NFIB: variants seen among roughly 807,000 people sequenced by gnomAD.
NFIB encodes the protein nuclear factor 1 B-type.
NFIB carries 11 observed loss-of-function variants against 61.5 expected under a neutral mutation model. That is an observed-to-expected ratio of 0.18 (90% confidence interval 0.11 to 0.30). The LOEUF (loss-of-function observed/expected upper bound fraction) is 0.30. Among genes scored for constraint, NFIB ranks in the 10% least tolerant of loss-of-function variants. NFIB has a pLI of 1.00. For synonymous variants in NFIB, 260 were observed against 216.5 expected (o/e 1.20, Z -1.76); for missense variants, 471 against 608.9 (o/e 0.77, Z 2.38).
At chr9:14,172,298 A>C (rs1238398457) in intron 3 of NFIB, among the ~76,000 whole-genome samples, 1 of 152,224 alleles carries the variant, frequency 6.6e-6, no homozygotes, top group African/African-American at 2.4e-5. Flanking sequence ...TGTATGTTTT[A>C]AAATAAGAAA....
At chr9:14,477,025 C>A in the NFIB span, among the ~76,000 whole-genome samples, 1 of 152,150 alleles carries the variant, frequency 6.6e-6, no homozygotes, top group Non-Finnish European at 1.5e-5. Context: ...TATATGATTT[C>A]TTTGCTTCTA....
chr9:14,289,378 T>A (rs1431950764), intron 2 of NFIB, among the ~76,000 whole-genome samples: 1 of 151,556 alleles, frequency 6.6e-6, no homozygotes, highest in Non-Finnish European at 1.5e-5. Flanking sequence ...TAACACCTGA[T>A]CACTGTCATC....
chr9:14,299,373 T>A (rs7026838), intron 2 of NFIB, among the ~76,000 whole-genome samples: 17,857 of 152,228 alleles, frequency 0.12, 3,239 homozygotes, highest in African/African-American at 0.39. Flanking sequence ...TTTTATGTAG[T>A]TTTATGAGAG....
intron 1 of NFIB, chr9:14,361,661 C>G (rs1266922484): frequency 1.3e-5 from 2 of 152,148 alleles, no homozygotes; most frequent in Non-Finnish European, 1.5e-5. Flanking sequence ...ACAACAGTAG[C>G]CACTAAAATC....
chr9:14,427,511 A>C, the NFIB span, among the ~76,000 whole-genome samples: 2 of 152,126 alleles, frequency 1.3e-5, no homozygotes, highest in African/African-American at 4.8e-5. Flanking sequence ...GGAATCAGTC[A>C]CCAGAGTTCA....
chr9:14,278,108 C>A (rs1258735501), intron 2 of NFIB, among the ~76,000 whole-genome samples: 1 of 152,166 alleles, frequency 6.6e-6, no homozygotes, highest in Non-Finnish European at 1.5e-5. Context: ...TAAACTGTCA[C>A]AACCATCCTG....
chr9:14,123,567 G>A (rs1280754448), intron 7 of NFIB, among the ~76,000 whole-genome samples: 1 of 152,158 alleles, frequency 6.6e-6, no homozygotes, highest in Non-Finnish European at 1.5e-5. Flanking sequence ...CTCTGAGACC[G>A]AGTCCTGGAT....
chr9:14,373,845 C>T (rs2061387245), intron 1 of NFIB, among the ~76,000 whole-genome samples: 2 of 152,116 alleles, frequency 1.3e-5, no homozygotes, highest in Admixed American at 6.6e-5. Flanking sequence ...ATGTTTCAAT[C>T]ACCAGGGGCA....
At chr9:14,480,017 G>T in the NFIB span, among the ~76,000 whole-genome samples, 3 of 151,650 alleles carry the variant, frequency 2.0e-5, no homozygotes, top group African/African-American at 4.8e-5. Context: ...GGAAGGGAAA[G>T]AGACAGAAAG....
chr9:14,278,334 T>C (rs1421836678), intron 2 of NFIB, among the ~76,000 whole-genome samples: 1 of 152,216 alleles, frequency 6.6e-6, no homozygotes, highest in East Asian at 1.9e-4. Flanking sequence ...GGTCCATTGT[T>C]AATTGAGTCG....
intron 2 of NFIB, among the ~76,000 whole-genome samples, chr9:14,302,599 G>C (rs2059806585): frequency 6.6e-6 from 1 of 152,032 alleles, no homozygotes; most frequent in South Asian, 2.1e-4. Context: ...AATCAGTTAG[G>C]GTGACTCATT....
At chr9:14,311,564 G>T (rs776196611) in intron 1 of NFIB, among the ~76,000 whole-genome samples, 7 of 152,096 alleles carry the variant, frequency 4.6e-5, no homozygotes, top group Non-Finnish European at 1.0e-4. Context: ...TGTTAAGTGT[G>T]TATCTCTGAA....
At chr9:14,135,830 G>C (rs947200389) in intron 6 of NFIB, among the ~76,000 whole-genome samples, 1 of 152,028 alleles carries the variant, frequency 6.6e-6, no homozygotes, top group Non-Finnish European at 1.5e-5. Flanking sequence ...AAGTATGGTG[G>C]TCTTTGTGTT....
chr9:14,184,895 C>A (rs2047175408), intron 2 of NFIB, among the ~76,000 whole-genome samples: 1 of 152,048 alleles, frequency 6.6e-6, no homozygotes, highest in South Asian at 2.1e-4. Flanking sequence ...CGGTGGCACA[C>A]ACCTGTAATC....
chr9:14,181,706 C>T (rs1452047510), intron 2 of NFIB, among the ~76,000 whole-genome samples: 2 of 152,310 alleles, frequency 1.3e-5, no homozygotes, highest in South Asian at 2.1e-4. Flanking sequence ...GCGATTCTAA[C>T]ATTTTTTAGG....
the NFIB span, among the ~76,000 whole-genome samples, chr9:14,439,442 G>T: frequency 6.6e-6 from 1 of 152,190 alleles, no homozygotes. Flanking sequence ...TTCCTAAAAA[G>T]GGGATAATAA....
chr9:14,468,094 C>T, the NFIB span, among the ~76,000 whole-genome samples: 1 of 152,206 alleles, frequency 6.6e-6, no homozygotes, highest in Admixed American at 6.5e-5. Flanking sequence ...GGGGAACAAA[C>T]CAACTTACAC....
chr9:14,171,990 T>C (rs945423219), intron 3 of NFIB, among the ~76,000 whole-genome samples: 3 of 152,324 alleles, frequency 2.0e-5, no homozygotes, highest in Non-Finnish European at 4.4e-5. Context: ...GGAAGGTTCC[T>C]GGATTACCAG....
the NFIB span, among the ~76,000 whole-genome samples, chr9:14,447,832 C>T: frequency 6.6e-6 from 1 of 152,058 alleles, no homozygotes; most frequent in Admixed American, 6.5e-5. Context: ...CAAATGATCC[C>T]AGTTCCTAGG....
Sources: allele counts gnomAD v4.1 joint callset (sites outside exome capture counted in the v4.1 genomes callset), GRCh38; gene constraint gnomAD v4.1.1; transcripts MANE v1.5; gene names NCBI Gene and HGNC (gene_info 2026-07-23, HGNC 2026-07-21).